The following FHIT variants were observed in gnomAD, a reference collection of about 807,000 sequenced individuals.
FHIT encodes fragile histidine triad diadenosine triphosphatase.
Under a neutral mutation model 17.9 loss-of-function variants are expected in FHIT, and 19 were observed. The ratio of observed to expected loss-of-function variants is 1.06; its 90% CI spans 0.74 to 1.56. FHIT has a LOEUF of 1.56. FHIT is among the 40% of genes most tolerant of loss of function. The pLI is 0.00. For missense variants in FHIT, 248 were observed against 189.2 expected (o/e 1.31, Z -1.82); for synonymous variants, 81 against 69.7 (o/e 1.16, Z -0.81).
chr3:60,446,094 G>A (rs2031311859), intron 5 of FHIT, among the ~76,000 whole-genome samples: 2 of 152,076 alleles, frequency 1.3e-5, no homozygotes, highest in East Asian at 1.9e-4. Flanking sequence ...AGCCAGGAGT[G>A]AAGCAAGGGA....
intron 5 of FHIT, among the ~76,000 whole-genome samples, chr3:60,110,889 A>C (rs1559641390): frequency 6.6e-6 from 1 of 152,116 alleles, no homozygotes; most frequent in Admixed American, 6.5e-5. Flanking sequence ...CTTCTATTCC[A>C]TATATATCAG....
intron 5 of FHIT, among the ~76,000 whole-genome samples, chr3:60,213,357 G>C (rs567873686): frequency 6.6e-6 from 1 of 152,038 alleles, no homozygotes; most frequent in South Asian, 2.1e-4. Flanking sequence ...GTGTCAAGTC[G>C]TCTCTCTACA....
chr3:60,712,805 T>C (rs1231723335), intron 4 of FHIT, among the ~76,000 whole-genome samples: 25 of 137,518 alleles, frequency 1.8e-4, no homozygotes, highest in Non-Finnish European at 2.9e-4. Flanking sequence ...CAAAGAGACT[T>C]AGACTCCCAC....
In FHIT at chr3:61,097,320, A is replaced by T. The variant is rs545116729; in HGVS notation, c.-163-55221T>A. On this transcript the variant is annotated intron_variant, in intron 2 of 9. Coordinates refer to ENST00000492590, the MANE Select transcript of FHIT (RefSeq NM_002012.4). ...CCTCACCCGGGAAGCGCAAACATGT[A>T]CCACATGTTCTTTATCCAGTCTATC... Among the ~76,000 whole-genome samples the T allele has an allele frequency of 1.2e-4, 19 of 152,274 alleles. 1 individual carries two copies. In the South Asian group the frequency reaches 3.9e-3, roughly 32 times the overall value.
At chr3:60,899,123 C>T (rs1705975662) in intron 3 of FHIT, among the ~76,000 whole-genome samples, 1 of 152,106 alleles carries the variant, frequency 6.6e-6, no homozygotes, top group Non-Finnish European at 1.5e-5. Flanking sequence ...TTTAGGGTTC[C>T]AAAAGCTTAG....
chr3:61,172,540 T>C (rs537080244), intron 2 of FHIT, among the ~76,000 whole-genome samples: 103 of 152,344 alleles, frequency 6.8e-4, no homozygotes, highest in South Asian at 2.3e-3. Flanking sequence ...TTTTGAATTA[T>C]GTGATAGTAT....
At chr3:59,906,486 C>T (rs1221096189) in intron 8 of FHIT, among the ~76,000 whole-genome samples, 2 of 152,148 alleles carry the variant, frequency 1.3e-5, no homozygotes, top group Admixed American at 1.3e-4. Context: ...ATGTAGACCC[C>T]TAAAAATTAA....
intron 5 of FHIT, among the ~76,000 whole-genome samples, chr3:60,210,274 A>G (rs1402755868): frequency 6.6e-6 from 1 of 152,192 alleles, no homozygotes; most frequent in African/African-American, 2.4e-5. Context: ...AATCAGATCC[A>G]TTCCTTAGAC....
At chr3:60,719,857 T>C (rs1303991057) in intron 4 of FHIT, among the ~76,000 whole-genome samples, 3 of 152,212 alleles carry the variant, frequency 2.0e-5, no homozygotes, top group African/African-American at 7.2e-5. Context: ...TCTCTTTCCC[T>C]TCATTACCTT....
At chr3:60,673,112 G>T (rs576776163) in intron 4 of FHIT, among the ~76,000 whole-genome samples, 1 of 151,788 alleles carries the variant, frequency 6.6e-6, no homozygotes, top group Non-Finnish European at 1.5e-5. Flanking sequence ...AAGTTACCCC[G>T]TAAGAGCTTA....
chr3:60,251,365 C>A (rs779778536), intron 5 of FHIT, among the ~76,000 whole-genome samples: 2 of 152,184 alleles, frequency 1.3e-5, no homozygotes, highest in Non-Finnish European at 2.9e-5. Context: ...CTATCAACCA[C>A]TGTTCAGTGA....
chr3:59,961,454 T>G (rs537155014), intron 7 of FHIT, among the ~76,000 whole-genome samples: 1 of 152,280 alleles, frequency 6.6e-6, no homozygotes, highest in East Asian at 1.9e-4. Context: ...AATCCACTGA[T>G]GTACGGGTAA....
At chr3:60,639,865 C>T (rs2856058) in intron 4 of FHIT, among the ~76,000 whole-genome samples, 122,885 of 152,108 alleles carry the variant, frequency 0.81, 49,816 homozygotes, top group Middle Eastern at 0.85. Context: ...GCTTCATTCA[C>T]AATAATCCAA....
At chr3:61,001,459 G>A (rs1193610585) in intron 3 of FHIT, among the ~76,000 whole-genome samples, 5 of 152,000 alleles carry the variant, frequency 3.3e-5, no homozygotes, top group Non-Finnish European at 5.9e-5. Context: ...AACATAACAC[G>A]GAATATTTCT....
intron 3 of FHIT, among the ~76,000 whole-genome samples, chr3:60,923,177 A>C (rs949981101): frequency 1.3e-5 from 2 of 152,238 alleles, no homozygotes; most frequent in Non-Finnish European, 2.9e-5. Flanking sequence ...GGGTTTACCT[A>C]AGTTGTCATT....
At chr3:60,049,319 G>A (rs1701779553) in intron 5 of FHIT, among the ~76,000 whole-genome samples, 1 of 152,158 alleles carries the variant, frequency 6.6e-6, no homozygotes, top group Non-Finnish European at 1.5e-5. Context: ...GCCACATGCA[G>A]CTACCGGGCA....
At chr3:60,027,163 C>A (rs1261403519) in intron 5 of FHIT, among the ~76,000 whole-genome samples, 1 of 145,038 alleles carries the variant, frequency 6.9e-6, no homozygotes, top group African/African-American at 2.6e-5. Context: ...TTAGTAAACC[C>A]AATAATCCAC....
intron 5 of FHIT, among the ~76,000 whole-genome samples, chr3:60,056,040 C>A (rs1201588855): frequency 6.6e-6 from 1 of 152,210 alleles, no homozygotes; most frequent in Non-Finnish European, 1.5e-5. Context: ...ATAGTCATGA[C>A]CTGCCCCCTT....
intron 3 of FHIT, among the ~76,000 whole-genome samples, chr3:60,931,108 G>A (rs58267016): frequency 0.043 from 6,542 of 151,740 alleles, 493 homozygotes; most frequent in African/African-American, 0.15. Flanking sequence ...GCAAACTATC[G>A]CAAGGAGAAA....
Sources: allele counts gnomAD v4.1 joint callset (sites outside exome capture counted in the v4.1 genomes callset), GRCh38; gene constraint gnomAD v4.1.1; transcripts MANE v1.5; gene names NCBI Gene and HGNC (gene_info 2026-07-23, HGNC 2026-07-21).